METTL15: variants seen among roughly 807,000 people sequenced by gnomAD.
METTL15 encodes the protein methyltransferase 15, mitochondrial 12S rRNA N4-cytidine.
Under a neutral mutation model 38.3 loss-of-function variants are expected in METTL15, and 34 were observed. The observed-to-expected ratio is 0.89, with a 90% CI of 0.68 to 1.18. METTL15 has a LOEUF of 1.18. METTL15 is among the 50% of genes most tolerant of loss of function. The pLI, the probability that METTL15 is intolerant of heterozygous loss-of-function variation, is 0.00. For synonymous variants in METTL15, 162 were observed against 170.9 expected (o/e 0.95, Z 0.41); for missense variants, 438 against 498.4 (o/e 0.88, Z 1.15).
intron 4 of METTL15, among the ~76,000 whole-genome samples, chr11:28,259,343 AG>A (rs1216459952): frequency 1.3e-5 from 2 of 152,008 alleles, no homozygotes; most frequent in Non-Finnish European, 2.9e-5. Flanking sequence ...GCCTAGCGTT[AG>A]GGGAGGGATG....
chr11:28,502,646 T>C (rs181416152), intron 6 of METTL15, among the ~76,000 whole-genome samples: 33 of 152,374 alleles, frequency 2.2e-4, no homozygotes, highest in Admixed American at 4.6e-4. Context: ...TTTTGGTTAT[T>C]TGCACATTGA....
chr11:28,140,607 A>G (rs1453490341), intron 3 of METTL15, among the ~76,000 whole-genome samples: 1 of 152,212 alleles, frequency 6.6e-6, no homozygotes, highest in Non-Finnish European at 1.5e-5. Context: ...AGCTAGGTCT[A>G]GGTTCTTGTC....
rs1279113287 is a variant in METTL15, at chr11:28,333,433, C to G, written c.*2592C>G. ...TTTGGAGAATGGTTTTGGGAAGTTCCTACAGTACACAGAAATAAAAGCTAA... is the reference window on the plus strand; with the variant it reads ...TTTGGAGAATGGTTTTGGGAAGTTCGTACAGTACACAGAAATAAAAGCTAA... On this transcript the variant is annotated 3_prime_UTR_variant, in exon 7 of 7. Transcript: ENST00000407364. 1 of 152,124 alleles carries G rather than the reference C, an allele frequency of 6.6e-6. No homozygotes were observed. Among genetic ancestry groups the G allele is most frequent in the Non-Finnish European group, 1.5e-5 (1 of 68,014 alleles). 9.4% of individuals were successfully genotyped at this position (152,124 alleles called of 1,614,324 possible). A position where few individuals can be genotyped will look rare whatever the true frequency, so the allele number is the denominator to read the frequency against.
intron 3 of METTL15, among the ~76,000 whole-genome samples, chr11:28,176,583 CT>C (rs1851084359): frequency 6.6e-6 from 1 of 152,068 alleles, no homozygotes; most frequent in South Asian, 2.1e-4. Context: ...ATAAGTATTT[CT>C]TATCATTACC....
At chr11:28,195,856 G>T (rs1463788724) in intron 3 of METTL15, among the ~76,000 whole-genome samples, 2 of 152,180 alleles carry the variant, frequency 1.3e-5, no homozygotes, top group East Asian at 3.9e-4. Flanking sequence ...TTAGATTTAA[G>T]TCTTCAGTCT....
At chr11:28,373,416 C>G (rs1431403689) in intron 5 of METTL15, among the ~76,000 whole-genome samples, 3 of 151,980 alleles carry the variant, frequency 2.0e-5, no homozygotes, top group African/African-American at 7.3e-5. Flanking sequence ...GCATAAATGT[C>G]TTCTTTTGAG....
intron 6 of METTL15, among the ~76,000 whole-genome samples, chr11:28,430,240 C>T: frequency 6.7e-6 from 1 of 149,428 alleles, no homozygotes; most frequent in East Asian, 2.1e-4. Flanking sequence ...GGGGTCAGCC[C>T]CCCGCCAGGC....
intron 6 of METTL15, among the ~76,000 whole-genome samples, chr11:28,313,202 T>C (rs1248322609): frequency 6.6e-6 from 1 of 152,142 alleles, no homozygotes; most frequent in Non-Finnish European, 1.5e-5. Flanking sequence ...ATTTATAAGA[T>C]TATTGTAATG....
At chr11:28,379,450 C>A (rs1246929346) in intron 5 of METTL15, among the ~76,000 whole-genome samples, 1 of 152,014 alleles carries the variant, frequency 6.6e-6, no homozygotes, top group Non-Finnish European at 1.5e-5. Context: ...TTTTCTACTT[C>A]ATTTCTTCAT....
At chr11:28,133,683 G>C (rs920242263) in intron 3 of METTL15, among the ~76,000 whole-genome samples, 2 of 152,126 alleles carry the variant, frequency 1.3e-5, no homozygotes, top group Admixed American at 1.3e-4. Flanking sequence ...AGCCCATGGA[G>C]AGGCCTATGT....
Position 28,189,742 on chromosome 11 carries a change from C to T in METTL15, c.271-21320C>T, listed in dbSNP as rs1008541618. 2.6e-5 allele frequency among the ~76,000 whole-genome samples: 4 copies of T among 151,278 alleles called. No homozygotes were observed. The East Asian group carries it at 7.8e-4, about 29-fold the overall frequency. ...CCCTGTGGTGATTAGTTAGCCAATA[C>T]AGTCAATCTCACATTTTGTAAAATT... On this transcript the variant is annotated intron_variant, in intron 3 of 6. Transcript: ENST00000407364.
intron 5 of METTL15, among the ~76,000 whole-genome samples, chr11:28,417,572 C>T (rs1172454902): frequency 1.3e-5 from 2 of 152,174 alleles, no homozygotes; most frequent in Non-Finnish European, 2.9e-5. Flanking sequence ...ACATATGTTA[C>T]ATATGATTGG....
At chr11:28,143,371 GA>G (rs1849765358) in intron 3 of METTL15, among the ~76,000 whole-genome samples, 1 of 152,082 alleles carries the variant, frequency 6.6e-6, no homozygotes, top group Non-Finnish European at 1.5e-5. Context: ...ACCATGAAGG[GA>G]CTCTTAATTC....
At chr11:28,211,333 A>G (rs1852633497) in intron 4 of METTL15, 135 bp downstream of exon 4, 1 of 716,780 alleles carries the variant, frequency 1.4e-6, no homozygotes, top group Non-Finnish European at 2.1e-6. Context: ...TTTTCCCCAA[A>G]AAGAATTAAT....
At chr11:28,136,991 C>T (rs773439866) in intron 3 of METTL15, among the ~76,000 whole-genome samples, 16 of 151,904 alleles carry the variant, frequency 1.1e-4, no homozygotes, top group Middle Eastern at 3.4e-3. Flanking sequence ...TTCACCCTTA[C>T]GTTAGTCTGC....
At chr11:28,209,792 A>C (rs1483071741) in intron 3 of METTL15, among the ~76,000 whole-genome samples, 2 of 152,018 alleles carry the variant, frequency 1.3e-5, no homozygotes, top group Non-Finnish European at 2.9e-5. Context: ...ATAAGTGGAA[A>C]CATTCAGAGC....
intron 3 of METTL15, among the ~76,000 whole-genome samples, chr11:28,344,971 C>G (rs144094888): frequency 3.1e-4 from 47 of 152,016 alleles, no homozygotes; most frequent in Admixed American, 2.7e-3. Context: ...AAAAATGGAA[C>G]GTTTTATATT....
At chr11:28,147,148 A>T (rs1849916129) in intron 3 of METTL15, among the ~76,000 whole-genome samples, 2 of 151,936 alleles carry the variant, frequency 1.3e-5, no homozygotes, top group Non-Finnish European at 2.9e-5. Context: ...CAGGCACTTT[A>T]TATATATTAT....
intron 3 of METTL15, among the ~76,000 whole-genome samples, chr11:28,121,484 A>G (rs939508350): frequency 1.3e-5 from 2 of 152,154 alleles, no homozygotes; most frequent in Non-Finnish European, 2.9e-5. Context: ...CACTTCTAAT[A>G]AACCTTAAAA....
Sources: allele counts gnomAD v4.1 joint callset (sites outside exome capture counted in the v4.1 genomes callset), GRCh38; gene constraint gnomAD v4.1.1; transcripts MANE v1.5; gene names NCBI Gene and HGNC (gene_info 2026-07-23, HGNC 2026-07-21).